The following SLC25A12 variants were observed in gnomAD, a reference collection of about 807,000 sequenced individuals.
SLC25A12 encodes electrogenic aspartate/glutamate antiporter SLC25A12, mitochondrial.
Under a neutral mutation model 83.3 loss-of-function variants are expected in SLC25A12, and 32 were observed. The observed-to-expected ratio is 0.38, with a 90% CI of 0.29 to 0.52. SLC25A12 has a LOEUF of 0.52. Among genes scored for constraint, SLC25A12 ranks in the 20% least tolerant of loss-of-function variants. The pLI, the probability that SLC25A12 is intolerant of heterozygous loss-of-function variation, is 0.84. For synonymous variants in SLC25A12, 267 were observed against 291.1 expected (o/e 0.92, Z 0.84); for missense variants, 611 against 835.6 (o/e 0.73, Z 3.31).
chr2:171,787,871 C>T lies in SLC25A12; in HGVS notation c.1662G>A (p.Gln554=). 6.2e-7 allele frequency: 1 copy of T among 1,614,260 alleles called. No homozygotes were observed. Among genetic ancestry groups the T allele is most frequent in the Non-Finnish European group, 8.5e-7 (1 of 1,180,058 alleles). ...TRLQVAARAG[Q]TTYSGVIDCF... is the part of the protein sequence containing the mutation. Reference sequence around the variant, plus strand: ...AGTCGATGACACCACTGTATGTCGTCTGGCCAGCGCGGGCAGCCACCTGCA... The same window carrying T: ...AGTCGATGACACCACTGTATGTCGTTTGGCCAGCGCGGGCAGCCACCTGCA... Residue 554 remains glutamine, a synonymous_variant, in exon 16 of 18, where the codon CAG becomes CAA. Transcript: ENST00000422440.
chr2:171,790,370 T>C (rs547184048), intron 15 of SLC25A12, among the ~76,000 whole-genome samples: 3 of 152,364 alleles, frequency 2.0e-5, no homozygotes, highest in East Asian at 1.9e-4. Flanking sequence ...TTTCAGAGTG[T>C]TGGTGCAGCC....
At chr2:171,820,530 C>T (rs1390926435) in intron 9 of SLC25A12, among the ~76,000 whole-genome samples, 2 of 145,966 alleles carry the variant, frequency 1.4e-5, no homozygotes, top group African/African-American at 5.0e-5. Flanking sequence ...AGATCGAGAC[C>T]ATGCCGGCTA....
intron 5 of SLC25A12, among the ~76,000 whole-genome samples, chr2:171,838,838 A>G (rs1038831239): frequency 3.9e-5 from 6 of 152,196 alleles, no homozygotes; most frequent in Non-Finnish European, 8.8e-5. Context: ...TATAGATAAA[A>G]AAGATTGGCC....
chr2:171,848,181 G>A (rs1164938892), intron 4 of SLC25A12: 4 of 470,864 alleles, frequency 8.5e-6, no homozygotes, highest in East Asian at 6.9e-5. Context: ...ACCTCTGACC[G>A]GGGCTGGCAC....
intron 15 of SLC25A12, among the ~76,000 whole-genome samples, chr2:171,789,599 C>T (rs1380568202): frequency 2.0e-5 from 3 of 152,130 alleles, no homozygotes; most frequent in East Asian, 3.9e-4. Flanking sequence ...CTTGGCTGCA[C>T]CAACACTCCG....
At chr2:171,812,575 G>A (rs940608015) in intron 11 of SLC25A12, among the ~76,000 whole-genome samples, 1 of 150,582 alleles carries the variant, frequency 6.6e-6, no homozygotes, top group Non-Finnish European at 1.5e-5. Flanking sequence ...ACACATACAT[G>A]AAAGTCATTC....
At chr2:171,848,886 G>A (rs1184265784) in intron 4 of SLC25A12, among the ~76,000 whole-genome samples, 15 of 152,208 alleles carry the variant, frequency 9.9e-5, no homozygotes, top group Non-Finnish European at 2.1e-4. Context: ...CAGGAAAGAT[G>A]AGTTCATATT....
chr2:171,864,019 GA>G (rs2105912546), intron 3 of SLC25A12, among the ~76,000 whole-genome samples: 1 of 152,328 alleles, frequency 6.6e-6, no homozygotes, highest in African/African-American at 2.4e-5. Flanking sequence ...CAATAAAACT[GA>G]ATACAGTACT....
At chr2:171,819,462 AT>A (rs1284413197) in intron 9 of SLC25A12, among the ~76,000 whole-genome samples, 4 of 132,786 alleles carry the variant, frequency 3.0e-5, no homozygotes, top group Admixed American at 1.7e-4. Context: ...CTTATTATAT[AT>A]TATATATATT....
intron 2 of SLC25A12, among the ~76,000 whole-genome samples, chr2:171,878,460 C>A (rs1685617114): frequency 6.6e-6 from 1 of 152,148 alleles, no homozygotes; most frequent in South Asian, 2.1e-4. Context: ...TTAGTGAATT[C>A]TTCTGCTTTT....
chr2:171,817,438 C>T (rs1257687450), intron 9 of SLC25A12, among the ~76,000 whole-genome samples: 1 of 151,602 alleles, frequency 6.6e-6, no homozygotes, highest in African/African-American at 2.4e-5. Context: ...CCTCTCTCTA[C>T]TAAAAATACA....
intron 3 of SLC25A12, among the ~76,000 whole-genome samples, chr2:171,859,113 C>T (rs1310079927): frequency 6.6e-6 from 1 of 152,144 alleles, no homozygotes; most frequent in Non-Finnish European, 1.5e-5. Context: ...TCTCCTAACC[C>T]TTTCCCAATT....
chr2:171,820,147 G>A (rs114048155), intron 9 of SLC25A12, among the ~76,000 whole-genome samples: 1,664 of 152,056 alleles, frequency 0.011, 26 homozygotes, highest in African/African-American at 0.036. Flanking sequence ...CTGGGTGATG[G>A]AATACTATGT....
chr2:171,893,453 C>G (rs1212312427), intron 1 of SLC25A12, among the ~76,000 whole-genome samples, 195 bp from the exon 2 acceptor site: 2 of 152,118 alleles, frequency 1.3e-5, no homozygotes, highest in Non-Finnish European at 2.9e-5. Flanking sequence ...AAAACAGGTG[C>G]GAATAGCCTA....
At chr2:171,877,433 G>A (rs999087245) in intron 2 of SLC25A12, among the ~76,000 whole-genome samples, 12 of 152,162 alleles carry the variant, frequency 7.9e-5, no homozygotes, top group Admixed American at 5.9e-4. Flanking sequence ...TTGGGAGGCC[G>A]AGGCGGGTGG....
chr2:171,842,450 C>G (rs1032209004), intron 5 of SLC25A12, among the ~76,000 whole-genome samples: 4 of 151,980 alleles, frequency 2.6e-5, no homozygotes, highest in Non-Finnish European at 4.4e-5. Flanking sequence ...AAAAATTAGC[C>G]AGGCATAGTG....
intron 2 of SLC25A12, among the ~76,000 whole-genome samples, chr2:171,870,013 C>T (rs1418946922): frequency 2.6e-5 from 4 of 152,134 alleles, no homozygotes; most frequent in African/African-American, 7.2e-5. Flanking sequence ...TTATATTCTA[C>T]TTCTTATGTT....
rs1558914501 is a variant in SLC25A12 at position 171,809,631 on chromosome 2, G to A, written c.1280C>T (p.Pro427Leu). The A allele has an allele frequency of 1.2e-6, 2 of 1,613,936 alleles. No homozygotes were observed. The highest frequency in any genetic ancestry group is 1.6e-4 in the Middle Eastern group (1 of 6,062). ...FTRRDGSVPL[P>L]AEVLAGGCAG... The stretch of plus-strand genomic sequence containing the variant: ...ACAGCCTCCAGCAAGAACTTCTGCT[G>A]GAAGTGGAACAGAGCCATCTCTTCT... Residue 427 changes from proline (P) to leucine (L), a missense_variant, in exon 13 of 18, where the codon CCA (proline) becomes CTA (leucine). By Grantham distance (98) the Pro-to-Leu change is moderately conservative. Coordinates refer to ENST00000422440, the MANE Select transcript of SLC25A12 (RefSeq NM_003705.5).
At chr2:171,852,427 GA>G (rs1276504612) in intron 4 of SLC25A12, among the ~76,000 whole-genome samples, 2 of 152,338 alleles carry the variant, frequency 1.3e-5, no homozygotes, top group East Asian at 3.9e-4. Flanking sequence ...AAGAGATGCT[GA>G]TAGCATAACA....
Sources: gnomAD v4.1 joint callset for allele counts (sites outside exome capture counted in the v4.1 genomes callset) on GRCh38, gnomAD v4.1.1 for gene constraint, MANE v1.5 for transcripts, NCBI Gene and HGNC (gene_info 2026-07-23, HGNC 2026-07-21) for gene names.